SERINC5: variants seen among roughly 807,000 people sequenced by gnomAD.
The protein encoded by SERINC5 is serine incorporator 5.
A neutral mutation model predicts 63.1 loss-of-function variants in SERINC5; 41 were observed. The ratio of observed to expected loss-of-function variants is 0.65; its 90% CI spans 0.51 to 0.84. SERINC5 has a LOEUF of 0.84. SERINC5 is among the 40% of genes least tolerant of loss of function. The pLI is 0.00. For synonymous variants in SERINC5, 222 were observed against 215.2 expected (o/e 1.03, Z -0.28); for missense variants, 523 against 573.0 (o/e 0.91, Z 0.89).
chr5:80,112,498 C>T lies in SERINC5; in HGVS notation c.*30-796G>A, dbSNP rs140864267. 4.1e-3 allele frequency among the ~76,000 whole-genome samples: 622 copies of T among 152,194 alleles called. 2 individuals are homozygous for T. Among genetic ancestry groups the T allele is most frequent in the African/African-American group, 0.013 (537 of 41,502 alleles). On this transcript the variant is annotated intron_variant, in intron 12 of 12. Coordinates refer to the SERINC5 transcript ENST00000509193. ...ATAAATACTGAGGGAACTCAGAGAC[C>T]GGTGCTGGTGCAGGTCCTCCGTATG...
At chr5:80,183,469 C>T (rs1748587014) in intron 2 of SERINC5, among the ~76,000 whole-genome samples, 1 of 152,144 alleles carries the variant, frequency 6.6e-6, no homozygotes, top group East Asian at 1.9e-4. Context: ...TGAGCCTAAG[C>T]CAAGCCATCT....
At chr5:80,188,282 CAA>C (rs34863168) in intron 2 of SERINC5, among the ~76,000 whole-genome samples, 3,520 of 82,826 alleles carry the variant, frequency 0.042, 81 homozygotes, top group African/African-American at 0.13. Flanking sequence ...GACTCCGTCT[CAA>C]AAAAAAAAAA....
chr5:80,194,467 T>C lies in SERINC5; in HGVS notation c.195+8419A>G, dbSNP rs115535698. The stretch of plus-strand genomic sequence containing the variant: ...ATCAAAGCGGAATATTTTTCACTGA[T>C]GATGTTTGTTTTAAAAAGATGGTTA... On this transcript the variant is annotated intron_variant, in intron 2 of 11. Coordinates refer to ENST00000507668, the MANE Select transcript of SERINC5 (RefSeq NM_001174072.3). Among the ~76,000 whole-genome samples, 1,232 of 152,350 alleles carry C rather than the reference T, an allele frequency of 8.1e-3. 18 individuals carry two copies. The highest frequency in any genetic ancestry group is 0.028 in the African/African-American group (1,158 of 41,582).
chr5:80,128,603 A>G (rs1267572896), intron 11 of SERINC5, among the ~76,000 whole-genome samples: 1 of 152,172 alleles, frequency 6.6e-6, no homozygotes, highest in Non-Finnish European at 1.5e-5. Flanking sequence ...GAGAGAGGGG[A>G]GATCTGGCAG....
intron 11 of SERINC5, among the ~76,000 whole-genome samples, chr5:80,117,371 G>A (rs1744375274): frequency 6.6e-6 from 1 of 152,090 alleles, no homozygotes; most frequent in African/African-American, 2.4e-5. Flanking sequence ...TAACTGAGGT[G>A]ATCTAGGCAA....
rs1032270715 is a variant in SERINC5 at position 80,140,723 on chromosome 5, C to A, written c.*2940G>T. On this transcript the variant is annotated 3_prime_UTR_variant, in exon 12 of 12. Coordinates refer to ENST00000507668, the MANE Select transcript of SERINC5 (RefSeq NM_001174072.3). ...CGCGGTATGACACTCCCATAAGAAC[C>A]CCCACCCCCCTGCCACCCACTTAGT... 1.0e-6 allele frequency: 1 copy of A among 985,204 alleles called. No homozygotes were observed. Among genetic ancestry groups the A allele is most frequent in the Non-Finnish European group, 1.2e-6 (1 of 829,894 alleles). 61.0% of individuals were successfully genotyped at this position (985,204 alleles called of 1,614,324 possible). A position where few individuals can be genotyped will look rare whatever the true frequency, so the allele number is the denominator to read the frequency against.
intron 2 of SERINC5, among the ~76,000 whole-genome samples, chr5:80,185,494 T>C (rs957917599): frequency 2.4e-4 from 37 of 151,584 alleles, no homozygotes; most frequent in Non-Finnish European, 5.0e-4. Flanking sequence ...AAAGCACTAT[T>C]ATGTTATATT....
At chr5:80,171,448 C>T (rs1261043965) in intron 5 of SERINC5, among the ~76,000 whole-genome samples, 1 of 152,140 alleles carries the variant, frequency 6.6e-6, no homozygotes, top group African/African-American at 2.4e-5. Context: ...TCTTTATTCC[C>T]TGTACTGAAG....
At position 80,167,827 on chromosome 5, in the gene SERINC5, G is replaced by A. The variant is rs190859061; in HGVS notation, c.764-1349C>T. ...TAAGGGATCTCTCTTTCTTTCCTGC[G>A]AAATTTTCGACCACTTGCCGACATA... On this transcript the variant is annotated intron_variant, in intron 6 of 11. Coordinates refer to ENST00000507668, the MANE Select transcript of SERINC5 (RefSeq NM_001174072.3). Among the ~76,000 whole-genome samples the A allele has an allele frequency of 7.2e-5, 11 of 152,196 alleles. No individual in the cohort carries two copies. The South Asian group carries it at 1.9e-3, about 26-fold the overall frequency.
At chr5:80,183,684 C>A (rs1230220994) in intron 2 of SERINC5, among the ~76,000 whole-genome samples, 1 of 152,114 alleles carries the variant, frequency 6.6e-6, no homozygotes, top group Non-Finnish European at 1.5e-5. Context: ...AGCTCCCCCA[C>A]TGAGCACCTT....
Position 80,143,013 on chromosome 5 carries a change from GA to G in SERINC5, c.*649del. The G allele has an allele frequency of 1.0e-6, 1 of 985,458 alleles. No individual in the cohort carries two copies. The highest frequency in any genetic ancestry group is 1.2e-6 in the Non-Finnish European group (1 of 829,956). 61.0% of individuals were successfully genotyped at this position (985,458 alleles called of 1,614,324 possible). ...CATTATTACAAAGATGTGGGACCCA[GA>G]AAAGATGAGACCTCGGGGAAGGGTG... On this transcript the variant is annotated 3_prime_UTR_variant, in exon 12 of 12. Coordinates refer to ENST00000507668, the MANE Select transcript of SERINC5 (RefSeq NM_001174072.3).
chr5:80,134,922 A>G (rs1398670417), downstream of SERINC5, among the ~76,000 whole-genome samples: 1 of 152,150 alleles, frequency 6.6e-6, no homozygotes, highest in East Asian at 1.9e-4. Flanking sequence ...TCCACAGAAA[A>G]CTCACAATGT....
intron 12 of SERINC5, among the ~76,000 whole-genome samples, chr5:80,112,345 A>G (rs539541199): frequency 6.6e-6 from 1 of 152,330 alleles, no homozygotes; most frequent in Admixed American, 6.5e-5. Flanking sequence ...ACATCCAGGC[A>G]TAGTACCTTC....
intron 8 of SERINC5, among the ~76,000 whole-genome samples, chr5:80,153,956 T>C (rs574368757): frequency 1.3e-5 from 2 of 152,316 alleles, no homozygotes; most frequent in South Asian, 4.1e-4. Flanking sequence ...CAAAGTCCAC[T>C]AGACCACAGA....
At chr5:80,132,098 G>A (rs1196085359) in intron 11 of SERINC5, among the ~76,000 whole-genome samples, 1 of 152,188 alleles carries the variant, frequency 6.6e-6, no homozygotes, top group East Asian at 1.9e-4. Flanking sequence ...CCAGATAACA[G>A]AGATGAGCCA....
intron 1 of SERINC5, among the ~76,000 whole-genome samples, chr5:80,230,149 A>G (rs938275119): frequency 6.6e-6 from 1 of 151,914 alleles, no homozygotes; most frequent in African/African-American, 2.4e-5. Flanking sequence ...AGCATCCCCA[A>G]CCCCATCACC....
At chr5:80,200,322 CAA>C (rs11397908) in intron 2 of SERINC5, among the ~76,000 whole-genome samples, 4 of 136,478 alleles carry the variant, frequency 2.9e-5, no homozygotes, top group Admixed American at 7.3e-5. Flanking sequence ...CTAAAAAATA[CAA>C]AAAAAAAAAA....
chr5:80,136,706 A>C (rs1265944532), downstream of SERINC5, among the ~76,000 whole-genome samples: 1 of 152,228 alleles, frequency 6.6e-6, no homozygotes, highest in Non-Finnish European at 1.5e-5. Context: ...ACATCTGATA[A>C]GGGGTTAATA....
intron 1 of SERINC5, among the ~76,000 whole-genome samples, chr5:80,245,715 T>C (rs910517348): frequency 1.2e-4 from 19 of 152,004 alleles, no homozygotes; most frequent in Non-Finnish European, 4.4e-5. Flanking sequence ...CCCATGTTCA[T>C]GCAATTCTCG....
Sources: allele counts gnomAD v4.1 joint callset (sites outside exome capture counted in the v4.1 genomes callset), GRCh38; gene constraint gnomAD v4.1.1; transcripts MANE v1.5; gene names NCBI Gene and HGNC (gene_info 2026-07-23, HGNC 2026-07-21).